TBC1D4: variants seen among roughly 807,000 people sequenced by gnomAD.
The protein encoded by TBC1D4 is TBC (Tre-2, BUB2, CDC16) domain-containing protein.
A neutral mutation model predicts 142.5 loss-of-function variants in TBC1D4; 121 were observed. That is an observed-to-expected ratio of 0.85 (90% CI 0.73 to 0.99). The LOEUF (loss-of-function observed/expected upper bound fraction) is 0.99, where lower values mean the gene tolerates loss of function less well. Among genes scored for constraint, TBC1D4 ranks in the 50% least tolerant of loss-of-function variants. TBC1D4 has a pLI of 0.00. For missense variants in TBC1D4, 1,475 were observed against 1,606.6 expected (o/e 0.92, Z 1.40); for synonymous variants, 630 against 628.2 (o/e 1.00, Z -0.04).
At chr13:75,416,638 A>G (rs1295565635) in intron 1 of TBC1D4, among the ~76,000 whole-genome samples, 1 of 152,238 alleles carries the variant, frequency 6.6e-6, no homozygotes, top group African/African-American at 2.4e-5. Context: ...AACCTATTTG[A>G]TCAGGCTACA....
chr13:75,382,504 A>G (rs979985389), intron 1 of TBC1D4, among the ~76,000 whole-genome samples: 4 of 152,218 alleles, frequency 2.6e-5, no homozygotes, highest in African/African-American at 9.6e-5. Context: ...GCTTTTAGCC[A>G]TGGGTGGAGA....
rs912004887 is a variant in TBC1D4 at position 75,387,365 on chromosome 13, T to C, written c.499-24758A>G. On this transcript the variant is annotated intron_variant, in intron 1 of 20. Coordinates refer to ENST00000377636, the MANE Select transcript of TBC1D4 (RefSeq NM_014832.5). Reference sequence around the variant, plus strand: ...GACACTATCCACCAAAGAATGATCGTTCCTTAGAGGTTTGTGGCAATGCGA... The same window carrying C: ...GACACTATCCACCAAAGAATGATCGCTCCTTAGAGGTTTGTGGCAATGCGA... 3.3e-5 allele frequency among the ~76,000 whole-genome samples: 5 copies of C among 152,340 alleles called. No individual in the cohort carries two copies. The South Asian group carries it at 1.0e-3, about 32-fold the overall frequency.
At chr13:75,390,105 G>A (rs370279660) in intron 1 of TBC1D4, among the ~76,000 whole-genome samples, 14 of 151,754 alleles carry the variant, frequency 9.2e-5, no homozygotes, top group Middle Eastern at 3.4e-3. Context: ...GTGAAACCTC[G>A]TCTCTACTAA....
At chr13:75,291,742 G>T (rs1875331951) in intron 19 of TBC1D4, among the ~76,000 whole-genome samples, 1 of 152,172 alleles carries the variant, frequency 6.6e-6, no homozygotes, top group Non-Finnish European at 1.5e-5. Context: ...TCCAAAGCCT[G>T]TACTCCTGCC....
At chr13:75,319,187 A>C (rs750987120) in intron 12 of TBC1D4, among the ~76,000 whole-genome samples, 14 of 152,196 alleles carry the variant, frequency 9.2e-5, no homozygotes, top group Non-Finnish European at 1.8e-4. Context: ...ATTGTTGCTA[A>C]AATAATTTTC....
At chr13:75,340,151 CT>C (rs1341551066) in intron 7 of TBC1D4, among the ~76,000 whole-genome samples, 9 of 152,232 alleles carry the variant, frequency 5.9e-5, no homozygotes, top group South Asian at 2.1e-4. Context: ...TTTTTGTCAC[CT>C]TTTTCCATCA....
chr13:75,439,657 T>C (rs561754485), intron 1 of TBC1D4, among the ~76,000 whole-genome samples: 5 of 152,346 alleles, frequency 3.3e-5, no homozygotes, highest in African/African-American at 1.2e-4. Flanking sequence ...GTTGTCATTG[T>C]TGTTTTGAGA....
At chr13:75,425,516 A>G (rs562726864) in intron 1 of TBC1D4, among the ~76,000 whole-genome samples, 13 of 152,346 alleles carry the variant, frequency 8.5e-5, no homozygotes, top group African/African-American at 3.1e-4. Flanking sequence ...TATCTATACT[A>G]TCATGTCCAT....
At chr13:75,471,796 C>A (rs1888412537) in intron 1 of TBC1D4, among the ~76,000 whole-genome samples, 1 of 150,688 alleles carries the variant, frequency 6.6e-6, no homozygotes, top group East Asian at 2.0e-4. Context: ...TGCCTACCTG[C>A]CTCAAATTAG....
intron 1 of TBC1D4, among the ~76,000 whole-genome samples, chr13:75,385,658 T>A (rs1163218310): frequency 6.6e-6 from 1 of 152,254 alleles, no homozygotes. Flanking sequence ...TAGATAATAA[T>A]AGCTATCACT....
intron 1 of TBC1D4, among the ~76,000 whole-genome samples, chr13:75,429,717 C>G (rs572506595): frequency 5.3e-5 from 8 of 151,652 alleles, no homozygotes; most frequent in Non-Finnish European, 8.8e-5. Flanking sequence ...AACAAAACAC[C>G]TGAGAGAAAT....
At chr13:75,333,704 C>T (rs909889917) in intron 8 of TBC1D4, among the ~76,000 whole-genome samples, 13 of 152,224 alleles carry the variant, frequency 8.5e-5, no homozygotes, top group African/African-American at 3.1e-4. Flanking sequence ...AATCTTCAGA[C>T]TTCACTCCAA....
chr13:75,474,020 C>T (rs1332795923), intron 1 of TBC1D4, among the ~76,000 whole-genome samples: 3 of 152,168 alleles, frequency 2.0e-5, no homozygotes, highest in Admixed American at 6.5e-5. Context: ...ATCAAAGGTA[C>T]ACCAGAGTTC....
At chr13:75,468,921 G>A (rs1021722610) in intron 1 of TBC1D4, among the ~76,000 whole-genome samples, 21 of 152,188 alleles carry the variant, frequency 1.4e-4, no homozygotes, top group Non-Finnish European at 2.6e-4. Flanking sequence ...CAGAGGTGGT[G>A]ACAGTGCTCC....
At chr13:75,410,372 C>T (rs1222722694) in intron 1 of TBC1D4, among the ~76,000 whole-genome samples, 3 of 152,144 alleles carry the variant, frequency 2.0e-5, no homozygotes, top group Non-Finnish European at 2.9e-5. Context: ...AGTGCTTCTT[C>T]TTCTATCTCC....
intron 3 of TBC1D4, among the ~76,000 whole-genome samples, chr13:75,357,083 C>T (rs755954221): frequency 5.4e-4 from 82 of 152,084 alleles, no homozygotes; most frequent in Admixed American, 9.2e-4. Context: ...TGTGATATTG[C>T]GCTGGGTTGC....
At chr13:75,301,268 T>A (rs1876515251) in intron 16 of TBC1D4, among the ~76,000 whole-genome samples, 1 of 152,022 alleles carries the variant, frequency 6.6e-6, no homozygotes, top group African/African-American at 2.4e-5. Flanking sequence ...ATAAAGTATG[T>A]TAGAGAAAAA....
chr13:75,392,784 C>T (rs1002873282), intron 1 of TBC1D4, among the ~76,000 whole-genome samples: 11 of 152,020 alleles, frequency 7.2e-5, no homozygotes, highest in Admixed American at 2.6e-4. Flanking sequence ...TACAAGCATG[C>T]GCCACCACAC....
rs1343391011 is a variant in TBC1D4 at position 75,299,480 on chromosome 13, G to A, written c.3006C>T (p.Asp1002=). ...TCCCCTGACAGTATCCCACTTCTTT[G>A]TCCAGCAAAGAATAGGCTTTCAGGA... ...FNLLKAYSLL[D]KEVGYCQGIS... Residue 1002 remains aspartate, a synonymous_variant, in exon 17 of 21, where the codon GAC becomes GAT. Transcript: ENST00000377636. The A allele has an allele frequency of 6.2e-7, 1 of 1,614,140 alleles. No individual in the cohort carries two copies. The highest frequency in any genetic ancestry group is 1.7e-5 in the Admixed American group (1 of 60,028).
Sources: gnomAD v4.1 joint callset for allele counts (sites outside exome capture counted in the v4.1 genomes callset) on GRCh38, gnomAD v4.1.1 for gene constraint, MANE v1.5 for transcripts, NCBI Gene and HGNC (gene_info 2026-07-23, HGNC 2026-07-21) for gene names.